The following KIF20B variants were observed in gnomAD, a reference collection of about 807,000 sequenced individuals.
The protein encoded by KIF20B is kinesin family member 20B.
Under a neutral mutation model 232.5 loss-of-function variants are expected in KIF20B, and 188 were observed. The observed-to-expected ratio is 0.81, with a 90% CI of 0.72 to 0.91. The LOEUF is 0.91. Ranked by LOEUF, KIF20B falls within the 40% of genes least tolerant of loss-of-function variation. The probability of loss-of-function intolerance (pLI) is 0.00; values close to 1 mark genes in which losing one functional copy is unlikely to be tolerated. For missense variants in KIF20B, 2,154 were observed against 2,055.9 expected (o/e 1.05, Z -0.92); for synonymous variants, 712 against 683.0 (o/e 1.04, Z -0.66).
At position 89,718,868 on chromosome 10, in the gene KIF20B, A is replaced by G. The variant is rs1486276465; in HGVS notation, c.1430A>G (p.Gln477Arg). 28 of 1,529,082 alleles carry G rather than the reference A, an allele frequency of 1.8e-5. No homozygotes were observed. The highest frequency in any genetic ancestry group is 2.4e-5 in the Non-Finnish European group (27 of 1,136,698). 94.7% of individuals were successfully genotyped at this position (1,529,082 alleles called of 1,614,324 possible). A position where few individuals can be genotyped will look rare whatever the true frequency, so the allele number is the denominator to read the frequency against. ...GTATTGAAGTTCTCCGCCATTGCAC[A>G]AAAAGTAAATATTTATTTTATTAAG... ...LNVLKFSAIA[Q>R]KVCVPDTLNS... is the part of the protein sequence containing the mutation. Residue 477 changes from glutamine to arginine, a missense_variant, in exon 12 of 33, where the codon CAA (glutamine) becomes CGA (arginine). By Grantham distance (43) the Gln-to-Arg change is conservative (BLOSUM62 1). Transcript: ENST00000371728.
chr10:89,726,641 G>T (rs1017508946), intron 16 of KIF20B, 120 bp downstream of exon 16: 3 of 783,254 alleles, frequency 3.8e-6, no homozygotes, highest in Non-Finnish European at 5.4e-6. Flanking sequence ...TTTCATCTAG[G>T]TAACATATTT....
In KIF20B at chr10:89,752,671, A is replaced by G. The variant is rs763870025; in HGVS notation, c.4327A>G (p.Asn1443Asp). The G allele has an allele frequency of 6.5e-5, 102 of 1,579,076 alleles. No individual in the cohort carries two copies. The highest frequency in any genetic ancestry group is 1.8e-4 in the Admixed American group (10 of 54,358). Residue 1443 changes from asparagine (N) to aspartate (D), a missense_variant, in exon 25 of 33, where the codon AAT (asparagine) becomes GAT (aspartate). By Grantham distance (23) the Asn-to-Asp change is conservative. Transcript: ENST00000371728. The stretch of plus-strand genomic sequence containing the variant: ...CACAGATGTGCTTGGAAAGCTCACT[A>G]ATCTTCAAGATGAGTTACAGGTATG... ...NNTDVLGKLT[N>D]LQDELQESEQ...
In KIF20B at chr10:89,711,021, A is replaced by C. The variant is rs1240652767; in HGVS notation, c.551A>C (p.Gln184Pro). ...TTGAATGTATTATTTGATAGTCTTCAAGAAAGACTGTATACAAAGATGAAC... is the reference window on the plus strand; with the variant it reads ...TTGAATGTATTATTTGATAGTCTTCCAGAAAGACTGTATACAAAGATGAAC... ...RTLNVLFDSL[Q>P]ERLYTKMNLK... The change falls in exon 6 of 33, where the codon CAA becomes CCA. Residue 184 changes from glutamine to proline, a missense_variant. Transcript: ENST00000371728. 4.3e-6 allele frequency: 7 copies of C among 1,609,460 alleles called. No individual in the cohort carries two copies. Among genetic ancestry groups the C allele is most frequent in the Non-Finnish European group, 5.9e-6 (7 of 1,177,880 alleles).
chr10:89,712,354 A>G (rs1455190334), intron 6 of KIF20B, among the ~76,000 whole-genome samples: 1 of 151,940 alleles, frequency 6.6e-6, no homozygotes, highest in Non-Finnish European at 1.5e-5. Flanking sequence ...CCTGGGCACA[A>G]GTGATTCTCC....
intron 18 of KIF20B, 41 bp downstream of exon 18, chr10:89,729,288 G>A (rs780434983): frequency 7.1e-7 from 1 of 1,406,614 alleles, no homozygotes; most frequent in Non-Finnish European, 9.5e-7. Context: ...AATTAGATAA[G>A]CATATGTTTT....
chr10:89,703,821 C>T (rs1842664838), intron 1 of KIF20B, among the ~76,000 whole-genome samples: 1 of 149,746 alleles, frequency 6.7e-6, no homozygotes, highest in Admixed American at 6.7e-5. Context: ...GGCGCAGTCT[C>T]GGCTCACTGC....
intron 17 of KIF20B, 129 bp downstream of exon 17, chr10:89,728,025 T>C (rs1393065431): frequency 1.4e-6 from 1 of 731,406 alleles, no homozygotes; most frequent in Non-Finnish European, 2.0e-6. Flanking sequence ...GCATGGGGGA[T>C]TGGTTTTATT....
At chr10:89,716,910 A>G (rs1272566969) in intron 9 of KIF20B, among the ~76,000 whole-genome samples, 1 of 152,174 alleles carries the variant, frequency 6.6e-6, no homozygotes, top group East Asian at 1.9e-4. Flanking sequence ...TCAAGGGGTT[A>G]AGGAAGGAAG....
intron 29 of KIF20B, among the ~76,000 whole-genome samples, chr10:89,763,037 T>C (rs1350561435): frequency 6.6e-6 from 1 of 152,076 alleles, no homozygotes; most frequent in Non-Finnish European, 1.5e-5. Flanking sequence ...ATCCCAGCAC[T>C]TTGGGAGGCT....
chr10:89,768,311 A>C lies in KIF20B; in HGVS notation c.5011A>C (p.Lys1671Gln), dbSNP rs1378929667. Residue 1671 changes from lysine (K) to glutamine (Q), a missense_variant, in exon 30 of 33, where the codon AAG becomes CAG. By Grantham distance (53) the Lys-to-Gln change is moderately conservative. Coordinates refer to ENST00000371728, the MANE Select transcript of KIF20B (RefSeq NM_001284259.2). ...TTAGGACTTGGTGAAATGTGAAAAT[A>C]AGAAGAATGCTACACCCAGAACTAA... ...MEEDLVKCEN[K>Q]KNATPRTNLK... is the part of the protein sequence containing the mutation. 6.4e-7 allele frequency: 1 copy of C among 1,573,608 alleles called. No individual in the cohort carries two copies. Among genetic ancestry groups the C allele is most frequent in the Non-Finnish European group, 8.7e-7 (1 of 1,155,860 alleles).
In KIF20B at chr10:89,715,152, C is replaced by A; in HGVS notation, c.910C>A (p.Gln304Lys). The A allele has an allele frequency of 6.2e-7, 1 of 1,602,124 alleles. No individual in the cohort carries two copies. The highest frequency in any genetic ancestry group is 1.1e-5 in the South Asian group (1 of 87,902). The change falls in exon 8 of 33, where the codon CAA (glutamine) becomes AAA (lysine). Residue 304 changes from glutamine (Q) to lysine (K), a missense_variant. Coordinates refer to ENST00000371728, the MANE Select transcript of KIF20B (RefSeq NM_001284259.2). ...FQKRKMLRLS[Q>K]DVKGYSFIKD... The stretch of plus-strand genomic sequence containing the variant: ...AAAGAGAAAGATGCTGCGCCTTTCC[C>A]AAGACGTAAAGGGCTATTCTTTTAT...
chr10:89,717,170 A>T (rs1589855122), intron 9 of KIF20B, among the ~76,000 whole-genome samples: 1 of 152,204 alleles, frequency 6.6e-6, no homozygotes, highest in Non-Finnish European at 1.5e-5. Context: ...ATTATAAATG[A>T]TACTATTAAT....
chr10:89,709,355 A>G lies in KIF20B; in HGVS notation c.245A>G (p.His82Arg), dbSNP rs369439648. 29 of 1,612,682 alleles carry G rather than the reference A, an allele frequency of 1.8e-5. No individual in the cohort carries two copies. The highest frequency in any genetic ancestry group is 2.3e-5 in the Non-Finnish European group (27 of 1,179,230). The change falls in exon 4 of 33, where the codon CAT (histidine) becomes CGT (arginine). Residue 82 changes from histidine (H) to arginine (R), a missense_variant. Physicochemically the swap from His to Arg is conservative, Grantham distance 29. Transcript: ENST00000371728. Reference protein sequence around the residue: ...EKELESEGCVHILDSQTVVLK... With the variant: ...EKELESEGCVRILDSQTVVLK... The stretch of plus-strand genomic sequence containing the variant: ...GGGTATGTTTTCTAGGGCTGTGTGC[A>G]TATTCTGGATTCACAGACTGTTGTG...
intron 2 of KIF20B, among the ~76,000 whole-genome samples, chr10:89,707,265 A>G (rs1842743113): frequency 6.6e-6 from 1 of 152,206 alleles, no homozygotes; most frequent in Non-Finnish European, 1.5e-5. Flanking sequence ...AACTGTCACT[A>G]CAGTCAAGAT....
chr10:89,717,607 C>T lies in KIF20B; in HGVS notation c.1156C>T (p.Arg386Ter), dbSNP rs762636055. ...TTTATGTGATCTTGCTGGTTCAGAA[C>T]GAACTATGAAGACACAGAATGAAGG... ...LSLCDLAGSE[R>*]TMKTQNEGER... Residue 386 changes from arginine (R) to a stop codon, truncating the protein, a stop_gained, in exon 11 of 33, where the codon CGA becomes TGA. Transcript: ENST00000371728. LOFTEE classifies it high-confidence loss of function. 6 of 1,610,262 alleles carry T rather than the reference C, an allele frequency of 3.7e-6. No homozygotes were observed. Among genetic ancestry groups the T allele is most frequent in the South Asian group, 1.1e-5 (1 of 90,306 alleles).
In KIF20B at chr10:89,723,959, A is replaced by T. The variant is rs551316276; in HGVS notation, c.1723-5A>T. Reference sequence around the variant, plus strand: ...TATAAGAATTTTATCATTTACATGTAATAGAAACTGTTGGACTTAATAGAA... The same window carrying T: ...TATAAGAATTTTATCATTTACATGTTATAGAAACTGTTGGACTTAATAGAA... On this transcript the variant is annotated splice_region_variant and splice_polypyrimidine_tract_variant and intron_variant, in intron 13 of 32. Transcript: ENST00000371728. 31 of 1,516,020 alleles carry T rather than the reference A, an allele frequency of 2.0e-5. No homozygotes were observed. In the South Asian group the frequency reaches 3.9e-4, roughly 19 times the overall value. 93.9% of individuals were successfully genotyped at this position (1,516,020 alleles called of 1,614,324 possible).
In KIF20B at chr10:89,741,559, A is replaced by G. The variant is rs112953501; in HGVS notation, c.3916-2249A>G. 4.6e-3 allele frequency among the ~76,000 whole-genome samples: 701 copies of G among 152,330 alleles called. 6 individuals are homozygous for G. The highest frequency in any genetic ancestry group is 0.015 in the African/African-American group (644 of 41,560). On this transcript the variant is annotated intron_variant, in intron 21 of 32. Coordinates refer to ENST00000371728, the MANE Select transcript of KIF20B (RefSeq NM_001284259.2). ...AGGCCAGCTGCTATGCTGAGTTGAC[A>G]TATTATCTTAATCCTCACACAATAT...
chr10:89,738,641 A>G, intron 20 of KIF20B, 24 bp downstream of exon 20: 1 of 1,521,096 alleles, frequency 6.6e-7, no homozygotes, highest in Non-Finnish European at 8.7e-7. Flanking sequence ...TATTCAAAAT[A>G]TTTTAAAATA....
intron 29 of KIF20B, among the ~76,000 whole-genome samples, chr10:89,766,846 G>T (rs1217740709): frequency 6.6e-6 from 1 of 151,062 alleles, no homozygotes; most frequent in Admixed American, 6.6e-5. Context: ...GTTAACTTTT[G>T]TTTTATATTT....
Sources: gnomAD v4.1 joint callset for allele counts (sites outside exome capture counted in the v4.1 genomes callset) on GRCh38, gnomAD v4.1.1 for gene constraint, MANE v1.5 for transcripts, NCBI Gene and HGNC (gene_info 2026-07-23, HGNC 2026-07-21) for gene names.